The following PRORP variants were observed in gnomAD, a reference collection of about 807,000 sequenced individuals.
PRORP encodes the protein protein only RNase P catalytic subunit.
A neutral mutation model predicts 59.4 loss-of-function variants in PRORP; 51 were observed. The observed-to-expected ratio is 0.86, with a 90% CI of 0.69 to 1.08. The LOEUF (loss-of-function observed/expected upper bound fraction) is 1.08, where lower values mean the gene tolerates loss of function less well. Among genes scored for constraint, PRORP ranks in the 50% least tolerant of loss-of-function variants. The pLI is 0.00. For missense variants in PRORP, 646 were observed against 690.3 expected (o/e 0.94, Z 0.72); for synonymous variants, 231 against 245.6 (o/e 0.94, Z 0.55).
intron 4 of PRORP, among the ~76,000 whole-genome samples, chr14:35,140,185 T>A (rs951500949): frequency 6.9e-6 from 1 of 145,164 alleles, no homozygotes; most frequent in African/African-American, 2.4e-5. Context: ...GTAACTCTCT[T>A]AGGACTGGAA....
chr14:35,259,523 T>C (rs1256688841), intron 5 of PRORP, among the ~76,000 whole-genome samples: 1 of 152,214 alleles, frequency 6.6e-6, no homozygotes, highest in Non-Finnish European at 1.5e-5. Flanking sequence ...TGTTTTACTT[T>C]TCCTCCCTTC....
chr14:35,240,418 G>A (rs1226402160), intron 5 of PRORP, among the ~76,000 whole-genome samples: 1 of 151,188 alleles, frequency 6.6e-6, no homozygotes, highest in African/African-American at 2.4e-5. Flanking sequence ...CATTTCCAAG[G>A]CAACCAATTG....
At position 35,228,138 on chromosome 14, in the gene PRORP, G is replaced by A. The variant is rs150509713; in HGVS notation, c.1276-38589G>A. ...AGCCTGGGCGATAGAGCAAGACTCC[G>A]TCTCAAAATAAATAAATAAATGAAG... On this transcript the variant is annotated intron_variant, in intron 5 of 7. Transcript: ENST00000534898. Among the ~76,000 whole-genome samples, 140 of 152,220 alleles carry A rather than the reference G, an allele frequency of 9.2e-4. 2 individuals carry two copies. Among genetic ancestry groups the A allele is most frequent in the African/African-American group, 2.9e-3 (122 of 41,550 alleles).
intron 5 of PRORP, among the ~76,000 whole-genome samples, chr14:35,196,204 G>A (rs187298995): frequency 5.3e-5 from 8 of 152,314 alleles, no homozygotes; most frequent in South Asian, 4.1e-4. Context: ...GCCAGGCATG[G>A]TGGCTCATAC....
At chr14:35,207,482 C>T (rs2049323539) in intron 5 of PRORP, among the ~76,000 whole-genome samples, 1 of 152,218 alleles carries the variant, frequency 6.6e-6, no homozygotes, top group Admixed American at 6.5e-5. Flanking sequence ...GTGTCTGTAA[C>T]AGGTCTTCTA....
chr14:35,150,539 A>C (rs991541282), intron 4 of PRORP, among the ~76,000 whole-genome samples: 5 of 152,242 alleles, frequency 3.3e-5, no homozygotes, highest in African/African-American at 9.6e-5. Context: ...AAGGACAAGC[A>C]GGTCACTCCT....
intron 4 of PRORP, among the ~76,000 whole-genome samples, chr14:35,178,009 A>G (rs1242849679): frequency 6.6e-6 from 1 of 152,206 alleles, no homozygotes; most frequent in Non-Finnish European, 1.5e-5. Context: ...TGTACCCAGT[A>G]TTCATTCAGG....
chr14:35,140,671 T>G (rs1477777143), intron 4 of PRORP, among the ~76,000 whole-genome samples: 1 of 145,610 alleles, frequency 6.9e-6, no homozygotes, highest in African/African-American at 2.4e-5. Flanking sequence ...CTGATTTAAT[T>G]GCTTTGGCTT....
At chr14:35,240,391 A>T (rs2050333759) in intron 5 of PRORP, among the ~76,000 whole-genome samples, 1 of 149,594 alleles carries the variant, frequency 6.7e-6, no homozygotes, top group Non-Finnish European at 1.5e-5. Flanking sequence ...GTATGCACAC[A>T]TGCAGGTAGT....
chr14:35,218,169 A>C (rs1410204600), intron 5 of PRORP, among the ~76,000 whole-genome samples: 1 of 152,142 alleles, frequency 6.6e-6, no homozygotes, highest in Middle Eastern at 3.2e-3. Context: ...AAAACAAGAA[A>C]CACAATAGAG....
intron 5 of PRORP, among the ~76,000 whole-genome samples, chr14:35,233,318 G>A (rs2050129868): frequency 6.7e-6 from 1 of 149,978 alleles, no homozygotes; most frequent in South Asian, 2.1e-4. Flanking sequence ...ATAAATATAT[G>A]AATTGTAACT....
chr14:35,130,052 A>G (rs1376148059), intron 4 of PRORP, among the ~76,000 whole-genome samples: 5 of 130,120 alleles, frequency 3.8e-5, no homozygotes, highest in African/African-American at 1.2e-4. Flanking sequence ...TTTTTTTGAG[A>G]CGGAGTCTCG....
chr14:35,222,638 T>C (rs766455647), intron 5 of PRORP: 1 of 152,236 alleles, frequency 6.6e-6, no homozygotes, highest in Non-Finnish European at 1.5e-5. Flanking sequence ...TAATATATAC[T>C]ACCCCTTCCC....
chr14:35,213,089 G>A (rs1428146109), intron 5 of PRORP, among the ~76,000 whole-genome samples: 1 of 152,110 alleles, frequency 6.6e-6, no homozygotes, highest in Non-Finnish European at 1.5e-5. Context: ...CAGCTTTCTT[G>A]CCTCTCTCAA....
intron 5 of PRORP, among the ~76,000 whole-genome samples, chr14:35,193,960 G>A (rs2048948421): frequency 6.6e-6 from 1 of 152,062 alleles, no homozygotes; most frequent in Admixed American, 6.5e-5. Context: ...CTGTCTTCAT[G>A]TCTGCTCTGA....
intron 5 of PRORP, among the ~76,000 whole-genome samples, chr14:35,221,750 C>T (rs988072092): frequency 9.2e-5 from 14 of 152,158 alleles, no homozygotes; most frequent in Admixed American, 2.6e-4. Context: ...CTTTTCTGAG[C>T]GGTTGTTCTG....
At chr14:35,133,919 G>C (rs2047312500) in intron 4 of PRORP, among the ~76,000 whole-genome samples, 1 of 152,212 alleles carries the variant, frequency 6.6e-6, no homozygotes, top group African/African-American at 2.4e-5. Flanking sequence ...GAACTGTGCT[G>C]GGCCAGACCT....
chr14:35,250,743 A>G (rs1443716947), intron 5 of PRORP, among the ~76,000 whole-genome samples: 3 of 152,138 alleles, frequency 2.0e-5, no homozygotes, highest in Non-Finnish European at 4.4e-5. Flanking sequence ...CTTGTTTCCT[A>G]AAGTCCTTAA....
At chr14:35,228,938 C>T (rs955751652) in intron 5 of PRORP, among the ~76,000 whole-genome samples, 2 of 152,206 alleles carry the variant, frequency 1.3e-5, no homozygotes, top group Non-Finnish European at 2.9e-5. Context: ...CTTCCCTTTT[C>T]TCCACAGCCT....
Sources: allele counts gnomAD v4.1 joint callset (sites outside exome capture counted in the v4.1 genomes callset), GRCh38; gene constraint gnomAD v4.1.1; transcripts MANE v1.5; gene names NCBI Gene and HGNC (gene_info 2026-07-23, HGNC 2026-07-21).